Variants in FHOD1 observed in about 807,000 individuals in gnomAD.
FHOD1 encodes formin homology 2 domain containing 1.
In FHOD1, 89 loss-of-function variants were observed where a neutral mutation model predicts 111.6. The observed-to-expected ratio is 0.80, with a 90% confidence interval of 0.67 to 0.95. The LOEUF is 0.95. Ranked by LOEUF, FHOD1 falls within the 40% of genes least tolerant of loss-of-function variation. FHOD1 has a pLI of 0.00. For missense variants in FHOD1, 1,446 were observed against 1,554.2 expected (o/e 0.93, Z 1.17); for synonymous variants, 618 against 639.0 (o/e 0.97, Z 0.50).
Position 67,229,462 on chromosome 16 carries a change from G to C in FHOD1, c.*174C>G. 1.6e-6 allele frequency: 1 copy of C among 635,894 alleles called. No homozygotes were observed. 39.4% of individuals were successfully genotyped at this position (635,894 alleles called of 1,614,324 possible). A position where few individuals can be genotyped will look rare whatever the true frequency, so the allele number is the denominator to read the frequency against. On this transcript the variant is annotated 3_prime_UTR_variant, in exon 22 of 22. Coordinates refer to ENST00000258201, the MANE Select transcript of FHOD1 (RefSeq NM_013241.3). Reference sequence around the variant, plus strand: ...CACACACATGCACATGCATATGCATGCACACACACACATACACACACACTC... The same window carrying C: ...CACACACATGCACATGCATATGCATCCACACACACACATACACACACACTC...
At chr16:67,239,314 G>T in intron 2 of FHOD1, 34 bp downstream of exon 2, 1 of 1,535,588 alleles carries the variant, frequency 6.5e-7, no homozygotes, top group Non-Finnish European at 9.0e-7. Context: ...AAGGGTGGGG[G>T]TAACCTTGCC....
Position 67,234,260 on chromosome 16 carries a change from C to G in FHOD1, c.1443G>C (p.Arg481=), listed in dbSNP as rs1303630348. ...PNEAGGHPDA[R]QLWDSPETAP... Reference sequence around the variant, plus strand: ...CTGTCTCTGGGGAGTCCCAGAGTTGCCGGGCATCTAAAGAAAGGGAAGGAG... The same window carrying G: ...CTGTCTCTGGGGAGTCCCAGAGTTGGCGGGCATCTAAAGAAAGGGAAGGAG... Residue 481 remains arginine, a synonymous_variant, in exon 13 of 22, where the codon CGG becomes CGC. Transcript: ENST00000258201. 1.5e-5 allele frequency: 24 copies of G among 1,562,636 alleles called. No homozygotes were observed. The highest frequency in any genetic ancestry group is 2.1e-5 in the Non-Finnish European group (24 of 1,150,964).
Position 67,247,305 on chromosome 16 carries a change from C to T in FHOD1, c.106G>A (p.Glu36Lys), listed in dbSNP as rs1173097174. Reference protein sequence around the residue: ...TDPFACANFPEPRRAPTCSLD... With the variant: ...TDPFACANFPKPRRAPTCSLD... Reference sequence around the variant, plus strand: ...CTGCAGGTGGGGGCCCGGCGCGGCTCCGGAAAGTTGGCACATGCGAAGGGG... The same window carrying T: ...CTGCAGGTGGGGGCCCGGCGCGGCTTCGGAAAGTTGGCACATGCGAAGGGG... The change falls in exon 1 of 22, where the codon GAG (glutamate) becomes AAG (lysine). Residue 36 changes from glutamate to lysine, a missense_variant. Physicochemically the swap from Glu to Lys is moderately conservative, Grantham distance 56 (BLOSUM62 1). Coordinates refer to ENST00000258201, the MANE Select transcript of FHOD1 (RefSeq NM_013241.3). 6.2e-7 allele frequency: 1 copy of T among 1,613,442 alleles called. No individual in the cohort carries two copies. The highest frequency in any genetic ancestry group is 8.5e-7 in the Non-Finnish European group (1 of 1,179,802).
chr16:67,241,658 C>T (rs570064516), intron 1 of FHOD1, among the ~76,000 whole-genome samples: 4 of 152,170 alleles, frequency 2.6e-5, no homozygotes, highest in African/African-American at 4.8e-5. Flanking sequence ...GACAGACAGA[C>T]GAGTCAGAAA....
At chr16:67,239,247 A>T in intron 2 of FHOD1, 101 bp downstream of exon 2, 1 of 957,020 alleles carries the variant, frequency 1.0e-6, no homozygotes, top group Non-Finnish European at 1.7e-6. Flanking sequence ...GAGGTGACCC[A>T]TGGCTCAGGC....
Position 67,237,394 on chromosome 16 carries a change from G to C in FHOD1, c.850-12C>G. ...AGCGCCGCCAGCGTCTGGAGGGCGG[G>C]GATAAGAAGGCAAGGCTGAGGTTGG... On this transcript the variant is annotated splice_polypyrimidine_tract_variant and intron_variant, in intron 8 of 21. Transcript: ENST00000258201. The surrounding 1 kb of genome is among the most constrained non-coding windows in gnomAD (Gnocchi z 5.6). The C allele has an allele frequency of 6.2e-7, 1 of 1,613,762 alleles. No homozygotes were observed. The highest frequency in any genetic ancestry group is 8.5e-7 in the Non-Finnish European group (1 of 1,179,658).
chr16:67,234,772 G>GTT, intron 11 of FHOD1: 102 of 310,932 alleles, frequency 3.3e-4, no homozygotes, highest in Middle Eastern at 1.9e-3. Context: ...TTTTTGGTTG[G>GTT]TTTTTTTTTT....
rs757610175 is a variant in FHOD1 at position 67,239,381 on chromosome 16, C to T, written c.275G>A (p.Arg92Gln). 8 of 1,614,168 alleles carry T rather than the reference C, an allele frequency of 5.0e-6. No individual in the cohort carries two copies. The Admixed American group carries it at 6.7e-5, about 13-fold the overall frequency. ...TTCATAGAAGCCCTCCAGCATCTCCCGCTGCTCTTCCAGGGACAGCTCGGT... is the reference window on the plus strand; with the variant it reads ...TTCATAGAAGCCCTCCAGCATCTCCTGCTGCTCTTCCAGGGACAGCTCGGT... The part of the protein sequence containing the change: ...LDTELSLEEQ[R>Q]EMLEGFYEEI... The change falls in exon 2 of 22, where the codon CGG becomes CAG. Residue 92 changes from arginine (R) to glutamine (Q), a missense_variant. Physicochemically the swap from Arg to Gln is conservative, Grantham distance 43. Around this residue, in one of 3 missense-constraint regions of FHOD1, gnomAD observed 234 missense variants for 327.4 expected, o/e 0.71. Coordinates refer to ENST00000258201, the MANE Select transcript of FHOD1 (RefSeq NM_013241.3).
intron 13 of FHOD1, 43 bp downstream of exon 13, chr16:67,233,614 C>T (rs1425479328): frequency 6.5e-7 from 1 of 1,540,288 alleles, no homozygotes; most frequent in South Asian, 1.3e-5. Flanking sequence ...CTCTGATTCC[C>T]TCCTGCCTCC....
chr16:67,232,205 G>C lies in FHOD1; in HGVS notation c.2047-11C>G. The C allele has an allele frequency of 6.2e-7, 1 of 1,613,854 alleles. No individual in the cohort carries two copies. Among genetic ancestry groups the C allele is most frequent in the Non-Finnish European group, 8.5e-7 (1 of 1,179,908 alleles). ...GCCCTCTCCAGCTTTCTGCATGGTTGGGGGAAGGGCAGTGTAAGACTGAGG... is the reference window on the plus strand; with the variant it reads ...GCCCTCTCCAGCTTTCTGCATGGTTCGGGGAAGGGCAGTGTAAGACTGAGG... On this transcript the variant is annotated splice_polypyrimidine_tract_variant and intron_variant, in intron 13 of 21. Coordinates refer to ENST00000258201, the MANE Select transcript of FHOD1 (RefSeq NM_013241.3).
At chr16:67,232,451 G>A (rs111448745) in intron 13 of FHOD1, among the ~76,000 whole-genome samples, 7 of 151,208 alleles carry the variant, frequency 4.6e-5, no homozygotes, top group Admixed American at 1.3e-4. Context: ...CCCGGGAGGC[G>A]GAGCTTGCAG....
chr16:67,233,898 G>A lies in FHOD1; in HGVS notation c.1805C>T (p.Pro602Leu). 1 of 1,594,692 alleles carries A rather than the reference G, an allele frequency of 6.3e-7. No individual in the cohort carries two copies. The highest frequency in any genetic ancestry group is 8.5e-7 in the Non-Finnish European group (1 of 1,170,828). The stretch of plus-strand genomic sequence containing the variant: ...AAGAGGGGCAGCCAGAGGTAGAGGT[G>A]GAGGTGGTGGGAAGGGGCCTTTGAT... The part of the protein sequence containing the change: ...PPIKGPFPPP[P>L]PLPLAAPLPH... Residue 602 changes from proline to leucine, a missense_variant, in exon 13 of 22, where the codon CCA becomes CTA. Transcript: ENST00000258201.
Position 67,237,196 on chromosome 16 carries a change from T to G in FHOD1, c.993+43A>C, listed in dbSNP as rs748860405. On this transcript the variant is annotated intron_variant, in intron 9 of 21. Coordinates refer to ENST00000258201, the MANE Select transcript of FHOD1 (RefSeq NM_013241.3). This position sits in a 1 kb window ranked among gnomAD's most constrained non-coding sequence, Gnocchi z 5.6. ...GGGCGCTGGGGACTGCGCTTCTCTC[T>G]TCCCTCTTTCCAATCCGCCTCAGAG... is the stretch of plus-strand genomic sequence containing the variant. 3.3e-5 allele frequency: 53 copies of G among 1,605,850 alleles called. No homozygotes were observed. The highest frequency in any genetic ancestry group is 2.2e-4 in the South Asian group (20 of 90,686).
intron 11 of FHOD1, 45 bp downstream of exon 11, chr16:67,236,512 C>A: frequency 6.3e-7 from 1 of 1,595,802 alleles, no homozygotes; most frequent in South Asian, 1.1e-5. Context: ...AGCGGAGGGA[C>A]AATGGGAGAG....
intron 1 of FHOD1, among the ~76,000 whole-genome samples, chr16:67,246,296 T>C (rs544839021): frequency 9.9e-5 from 15 of 152,182 alleles, no homozygotes; most frequent in African/African-American, 3.4e-4. Flanking sequence ...TCTCCAGCAC[T>C]GGAGGCGGCC....
chr16:67,245,997 A>T (rs2034809609), intron 1 of FHOD1, among the ~76,000 whole-genome samples: 1 of 152,160 alleles, frequency 6.6e-6, no homozygotes, highest in Non-Finnish European at 1.5e-5. Context: ...AGGGCAAGAG[A>T]AGCGGGGGCT....
Position 67,237,214 on chromosome 16 carries a change from C to T in FHOD1, c.993+25G>A, listed in dbSNP as rs773571266. The T allele has an allele frequency of 1.2e-6, 2 of 1,609,478 alleles. No homozygotes were observed. The highest frequency in any genetic ancestry group is 1.3e-5 in the African/African-American group (1 of 74,944). On this transcript the variant is annotated intron_variant, in intron 9 of 21. Coordinates refer to ENST00000258201, the MANE Select transcript of FHOD1 (RefSeq NM_013241.3). This position sits in a 1 kb window ranked among gnomAD's most constrained non-coding sequence, Gnocchi z 5.6. ...TTCTCTCTTCCCTCTTTCCAATCCG[C>T]CTCAGAGCGTAAGGCCCGGCCCACC...
chr16:67,246,827 C>T, intron 1 of FHOD1: 1 of 226,666 alleles, frequency 4.4e-6, no homozygotes. Flanking sequence ...GCCCCCACCT[C>T]ACCTGAAGCA....
At position 67,238,411 on chromosome 16, in the gene FHOD1, C is replaced by T. The variant is rs779437165; in HGVS notation, c.410G>A (p.Arg137His). 8.7e-6 allele frequency: 14 copies of T among 1,614,064 alleles called. No homozygotes were observed. The highest frequency in any genetic ancestry group is 4.0e-5 in the African/African-American group (3 of 75,026). The change falls in exon 4 of 22, where the codon CGC (arginine) becomes CAC (histidine). Residue 137 changes from arginine (R) to histidine (H), a missense_variant. Around this residue, in one of 3 missense-constraint regions of FHOD1, gnomAD observed 234 missense variants for 327.4 expected, o/e 0.71. Transcript: ENST00000258201. The surrounding 1 kb of genome is among the most constrained non-coding windows in gnomAD (Gnocchi z 4.2). ...GATCTGCTTCAGTGAGAAGAGGGAG[C>T]GGCGGAGCTCAGGACCACTGGAGCT... ...LYSSSGPELR[R>H]SLFSLKQIFQ...
Sources: gnomAD v4.1 joint callset for allele counts (sites outside exome capture counted in the v4.1 genomes callset) on GRCh38, gnomAD v4.1.1 for gene constraint, gnomAD v4.1.1 regional missense constraint, Gnocchi (gnomAD v3.1) non-coding constraint, MANE v1.5 for transcripts, NCBI Gene and HGNC (gene_info 2026-07-23, HGNC 2026-07-21) for gene names.